RWDD3: variants seen among roughly 807,000 people sequenced by gnomAD.
RWDD3 encodes RWD domain-containing protein 3.
Under a neutral mutation model 26.5 loss-of-function variants are expected in RWDD3, and 30 were observed. The observed-to-expected ratio is 1.13, with a 90% CI of 0.85 to 1.54. The LOEUF is 1.54. Ranked by LOEUF, RWDD3 falls within the 40% of genes most tolerant of loss-of-function variation. The probability of loss-of-function intolerance (pLI) is 0.00; values close to 1 mark genes in which losing one functional copy is unlikely to be tolerated. For missense variants in RWDD3, 296 were observed against 309.1 expected (o/e 0.96, Z 0.32); for synonymous variants, 113 against 114.5 (o/e 0.99, Z 0.09).
chr1:95,238,545 A>G (rs138061714), intron 1 of RWDD3, among the ~76,000 whole-genome samples: 4 of 151,692 alleles, frequency 2.6e-5, no homozygotes, highest in Admixed American at 2.0e-4. Context: ...TGTCTTACCA[A>G]GTATGAGAGG....
At chr1:95,242,879 A>T (rs1680691802) in intron 1 of RWDD3, among the ~76,000 whole-genome samples, 1 of 152,032 alleles carries the variant, frequency 6.6e-6, no homozygotes, top group Non-Finnish European at 1.5e-5. Flanking sequence ...AGATCATGCC[A>T]CTGCACTCCA....
At position 95,247,008 on chromosome 1, in the gene RWDD3, A is replaced by G. The variant is rs1680877805; in HGVS notation, c.*138A>G. 6.4e-6 allele frequency: 3 copies of G among 472,436 alleles called. No homozygotes were observed. Among genetic ancestry groups the G allele is most frequent in the Non-Finnish European group, 1.1e-5 (3 of 266,212 alleles). The allele number at this position is 472,436 out of a possible 1,614,324, so 29.3% of individuals were successfully genotyped here. ...TGATAGGCATCATTCTAACTTCAGG[A>G]ACAAAAGCCAGTTCTGTTTTATGAA... On this transcript the variant is annotated 3_prime_UTR_variant, in exon 4 of 4. Coordinates refer to ENST00000370202, the MANE Select transcript of RWDD3 (RefSeq NM_015485.5).
rs766367083 is a variant in RWDD3, at chr1:95,246,814, G to T, written c.748G>T (p.Glu250Ter). ...GTTGGATGAATTACAAAAGGAATTTGAAACTGCAGGACTTAAGAAGCTTTT... is the reference window on the plus strand; with the variant it reads ...GTTGGATGAATTACAAAAGGAATTTTAAACTGCAGGACTTAAGAAGCTTTT... ...SALDELQKEF[E>*]TAGLKKLFSE... is the part of the protein sequence containing the mutation. Residue 250 changes from glutamate (E) to a stop codon, truncating the protein, a stop_gained, in exon 4 of 4, where the codon GAA (glutamate) becomes TAA (stop). Coordinates refer to ENST00000370202, the MANE Select transcript of RWDD3 (RefSeq NM_015485.5). LOFTEE classifies it high-confidence loss of function. 1 of 1,569,018 alleles carries T rather than the reference G, an allele frequency of 6.4e-7. No homozygotes were observed. The highest frequency in any genetic ancestry group is 1.2e-5 in the South Asian group (1 of 83,422).
Position 95,240,050 on chromosome 1 carries a change from C to T in RWDD3, c.86-4161C>T, listed in dbSNP as rs560478239. ...TCTTTTGTAGTAAAATCTCTGTCTC[C>T]TCCTTATAGGGACCCTTGTGATTAC... On this transcript the variant is annotated intron_variant, in intron 1 of 3. Transcript: ENST00000370202. 14 of 692,584 alleles carry T rather than the reference C, an allele frequency of 2.0e-5. No homozygotes were observed. In the African/African-American group the frequency reaches 2.3e-4, roughly 11 times the overall value. 42.9% of individuals were successfully genotyped at this position (692,584 alleles called of 1,614,324 possible). A position where few individuals can be genotyped will look rare whatever the true frequency, so the allele number is the denominator to read the frequency against.
At position 95,234,299 on chromosome 1, in the gene RWDD3, G is replaced by A; in HGVS notation, c.69G>A (p.Glu23=). 6.3e-7 allele frequency: 1 copy of A among 1,596,548 alleles called. No homozygotes were observed. The highest frequency in any genetic ancestry group is 8.5e-7 in the Non-Finnish European group (1 of 1,171,858). ...AAIFCRPHEW[E]VLSRSETDGT... ...TTTTCTGCAGGCCCCACGAGTGGGA[G>A]GTGCTGAGCCGCTCAGGTGACTACC... Residue 23 remains glutamate, a synonymous_variant, in exon 1 of 4, where the codon GAG becomes GAA. Transcript: ENST00000370202.
In RWDD3 at chr1:95,244,296, G is replaced by T. The variant is rs377654352; in HGVS notation, c.171G>T (p.Leu57Phe). ...VDIPLELVFH[L>F]PVNYPSCLPG... is the part of the protein sequence containing the mutation. ...TACCTCTGGAATTGGTGTTCCATTT[G>T]CCAGTCAATTATCCTTCATGTCTAC... Residue 57 changes from leucine (L) to phenylalanine (F), a missense_variant, in exon 2 of 4, where the codon TTG becomes TTT. Physicochemically the swap from Leu to Phe is conservative, Grantham distance 22. Transcript: ENST00000370202. 49 of 1,614,204 alleles carry T rather than the reference G, an allele frequency of 3.0e-5. No homozygotes were observed. Among genetic ancestry groups the T allele is most frequent in the African/African-American group, 5.3e-5 (4 of 75,056 alleles).
intron 1 of RWDD3, among the ~76,000 whole-genome samples, chr1:95,240,941 C>T (rs180759252): frequency 4.0e-5 from 6 of 151,708 alleles, no homozygotes; most frequent in Non-Finnish European, 8.8e-5. Flanking sequence ...GAGGCTGAGG[C>T]GGGTGGATCA....
intron 2 of RWDD3, 159 bp from the exon 3 acceptor site, chr1:95,246,383 C>T: frequency 1.8e-6 from 1 of 554,326 alleles, no homozygotes. Context: ...CATTATTCTG[C>T]CAAGTATGTT....
At chr1:95,244,870 A>G in intron 2 of RWDD3, 172 bp downstream of exon 2, 1 of 718,446 alleles carries the variant, frequency 1.4e-6, no homozygotes, top group South Asian at 2.3e-5. Flanking sequence ...CTGACTGCTA[A>G]TTACAAGTAC....
At position 95,234,210 on chromosome 1, in the gene RWDD3, G is replaced by A; in HGVS notation, c.-21G>A. 1 of 1,570,252 alleles carries A rather than the reference G, an allele frequency of 6.4e-7. No individual in the cohort carries two copies. The highest frequency in any genetic ancestry group is 1.2e-5 in the South Asian group (1 of 85,564). On this transcript the variant is annotated 5_prime_UTR_variant, in exon 1 of 4. Coordinates refer to ENST00000370202, the MANE Select transcript of RWDD3 (RefSeq NM_015485.5). The stretch of plus-strand genomic sequence containing the variant: ...CTGCGGCAGCGGAAGGGGAAGCGCT[G>A]AGGCGGTGGGGCCCACAGCCATGGC...
At chr1:95,238,608 A>G in intron 1 of RWDD3, among the ~76,000 whole-genome samples, 1 of 60,812 alleles carries the variant, frequency 1.6e-5, no homozygotes, top group Admixed American at 1.8e-4. Flanking sequence ...GAGGATATAT[A>G]ACAATTGCAA....
chr1:95,246,601 C>A lies in RWDD3; in HGVS notation c.633C>A (p.Cys211Ter). Residue 211 changes from cysteine (C) to a stop codon, truncating the protein, a stop_gained, in exon 3 of 4, where the codon TGC (cysteine) becomes TGA (stop). Coordinates refer to ENST00000370202, the MANE Select transcript of RWDD3 (RefSeq NM_015485.5). LOFTEE classifies it high-confidence loss of function. ...ATGTGGACTCAAGTGGAAAGAAATG[C>A]AAAGAGAAAATGATTAGTGTACTGT... The part of the protein sequence containing the change: ...KVDVDSSGKK[C>*]KEKMISVLFE... 6.2e-7 allele frequency: 1 copy of A among 1,612,446 alleles called. No homozygotes were observed. Among genetic ancestry groups the A allele is most frequent in the Non-Finnish European group, 8.5e-7 (1 of 1,179,048 alleles).
intron 1 of RWDD3, among the ~76,000 whole-genome samples, chr1:95,235,376 T>TTTTTTAA (rs59080363): frequency 9.6e-6 from 1 of 104,346 alleles, no homozygotes; most frequent in Non-Finnish European, 1.9e-5. Context: ...TTTTTTTTTT[T>TTTTTTAA]GAGACAGAGT....
intron 1 of RWDD3, among the ~76,000 whole-genome samples, chr1:95,234,569 C>T (rs1191790838): frequency 1.3e-5 from 2 of 152,038 alleles, no homozygotes; most frequent in Non-Finnish European, 2.9e-5. Context: ...CTCCCGGAGC[C>T]GGGGGCCCCT....
chr1:95,244,753 T>G, intron 2 of RWDD3, 55 bp downstream of exon 2: 2 of 1,570,938 alleles, frequency 1.3e-6, no homozygotes, highest in Non-Finnish European at 1.7e-6. Context: ...CTTTAAATGG[T>G]GTGTCTTTAA....
chr1:95,234,249 G>C lies in RWDD3; in HGVS notation c.19G>C (p.Glu7Gln), dbSNP rs755496684. ...CACAGCCATGGCGGAGCCTGTGCAGGAGGAGCTCTCGGTCCTGGCCGCGAT... is the reference window on the plus strand; with the variant it reads ...CACAGCCATGGCGGAGCCTGTGCAGCAGGAGCTCTCGGTCCTGGCCGCGAT... MAEPVQ[E>Q]ELSVLAAIFC... is the part of the protein sequence containing the mutation. Residue 7 changes from glutamate (E) to glutamine (Q), a missense_variant, in exon 1 of 4, where the codon GAG becomes CAG. By Grantham distance (29) the Glu-to-Gln change is conservative. Coordinates refer to ENST00000370202, the MANE Select transcript of RWDD3 (RefSeq NM_015485.5). 1.0e-5 allele frequency: 16 copies of C among 1,594,872 alleles called. No individual in the cohort carries two copies. The South Asian group carries it at 1.8e-4, about 18-fold the overall frequency.
chr1:95,236,588 T>C (rs1680370483), intron 1 of RWDD3, among the ~76,000 whole-genome samples: 1 of 152,140 alleles, frequency 6.6e-6, no homozygotes. Flanking sequence ...TTTGAAACAA[T>C]TGTTTAAAAT....
chr1:95,234,557 C>G (rs1049604068), intron 1 of RWDD3, among the ~76,000 whole-genome samples: 1 of 152,062 alleles, frequency 6.6e-6, no homozygotes, highest in Non-Finnish European at 1.5e-5. Context: ...CCGCCGGTCC[C>G]GCTCCCGGAG....
chr1:95,238,783 G>C (rs1262366405), intron 1 of RWDD3, among the ~76,000 whole-genome samples: 2 of 151,970 alleles, frequency 1.3e-5, no homozygotes, highest in Non-Finnish European at 2.9e-5. Flanking sequence ...GTTGTGTGTT[G>C]TATTTTATTA....
Sources: gnomAD v4.1 joint callset for allele counts (sites outside exome capture counted in the v4.1 genomes callset) on GRCh38, gnomAD v4.1.1 for gene constraint, MANE v1.5 for transcripts, NCBI Gene and HGNC (gene_info 2026-07-23, HGNC 2026-07-21) for gene names.